Variants in ARID3C observed in about 807,000 individuals in gnomAD.
ARID3C encodes the protein AT-rich interaction domain 3C.
In ARID3C, 42 loss-of-function variants were observed where a neutral mutation model predicts 37.9. The observed-to-expected ratio is 1.11, with a 90% CI of 0.87 to 1.43. The LOEUF is 1.43. Among genes scored for constraint, ARID3C ranks in the 40% most tolerant of loss-of-function variants. The probability of loss-of-function intolerance (pLI) is 0.00; values close to 1 mark genes in which losing one functional copy is unlikely to be tolerated. For synonymous variants in ARID3C, 213 were observed against 228.0 expected (o/e 0.93, Z 0.59); for missense variants, 581 against 548.8 (o/e 1.06, Z -0.59).
chr9:34,623,096 A>G (rs1426849298), intron 4 of ARID3C, among the ~76,000 whole-genome samples: 1 of 148,958 alleles, frequency 6.7e-6, no homozygotes, highest in Non-Finnish European at 1.5e-5. Context: ...CCGTGAGCTG[A>G]GATCGCGCCA....
At position 34,622,030 on chromosome 9, in the gene ARID3C, C is replaced by A. The variant is rs749257764; in HGVS notation, c.1128G>T (p.Val376=). The change falls in exon 6 of 7, where the codon GTG becomes GTT. Residue 376 remains valine, a synonymous_variant. Coordinates refer to ENST00000378909, the Ensembl canonical transcript of ARID3C. ...CTGCAGTACCCATACCAGTGTAGACCACCCCGTTGATCTCTAGGGCCATGT... is the reference window on the plus strand; with the variant it reads ...CTGCAGTACCCATACCAGTGTAGACAACCCCGTTGATCTCTAGGGCCATGT... 37 of 1,614,100 alleles carry A rather than the reference C, an allele frequency of 2.3e-5. No individual in the cohort carries two copies. The South Asian group carries it at 3.8e-4, about 17-fold the overall frequency.
At chr9:34,622,080 C>A in exon 6 of ARID3C, 1 of 1,614,114 alleles carries the variant, frequency 6.2e-7, no homozygotes, top group Non-Finnish European at 8.5e-7. Context: ...CCACTGCCTG[C>A]CAGATTAAGA....
At chr9:34,628,125 C>T (rs73645430), upstream of ARID3C, 3,269 of 1,357,512 alleles carry the variant, frequency 2.4e-3, 16 homozygotes, top group African/African-American at 0.021. This position sits in a 1 kb window ranked among gnomAD's most constrained non-coding sequence, Gnocchi z 5.2. Context: ...GCCCTACTGC[C>T]CCCAGAGCCC....
chr9:34,623,319 C>T, intron 4 of ARID3C, 106 bp downstream of exon 5: 5 of 1,348,364 alleles, frequency 3.7e-6, no homozygotes, highest in Non-Finnish European at 4.9e-6. Flanking sequence ...GCTCCCATAC[C>T]TCAATGCCTC....
upstream of ARID3C, chr9:34,628,239 C>A: frequency 1.9e-6 from 1 of 523,566 alleles, no homozygotes; most frequent in Non-Finnish European, 3.2e-6. This position sits in a 1 kb window ranked among gnomAD's most constrained non-coding sequence, Gnocchi z 5.2. Context: ...CAGGACCAGA[C>A]CCGGGGAATC....
intron 2 of ARID3C, 45 bp from the exon 4 acceptor site, chr9:34,624,092 T>G (rs1197251185): frequency 1.3e-6 from 2 of 1,524,944 alleles, no homozygotes; most frequent in East Asian, 4.8e-5. Flanking sequence ...ACGAAGACCC[T>G]GTCTGCAGCA....
exon 5 of ARID3C, chr9:34,622,432 C>T: frequency 1.2e-6 from 2 of 1,614,126 alleles, no homozygotes; most frequent in Non-Finnish European, 1.7e-6. Flanking sequence ...GCACAGCTCT[C>T]TTCTCTGGGG....
At chr9:34,625,375 C>A (rs1012940515) in intron 2 of ARID3C, among the ~76,000 whole-genome samples, 1 of 152,176 alleles carries the variant, frequency 6.6e-6, no homozygotes, top group African/African-American at 2.4e-5. Context: ...CTGTAGAGCA[C>A]GTGAGGTGTC....
chr9:34,629,945 TAG>T (rs1401974685), upstream of ARID3C, among the ~76,000 whole-genome samples: 2 of 151,924 alleles, frequency 1.3e-5, no homozygotes, highest in African/African-American at 4.8e-5. Context: ...GTCTTTTTAG[TAG>T]AGATGGGGTT....
At chr9:34,621,726 A>T (rs1162890527) in intron 6 of ARID3C, among the ~76,000 whole-genome samples, 168 bp from the exon 8 acceptor site, 1 of 152,102 alleles carries the variant, frequency 6.6e-6, no homozygotes, top group Non-Finnish European at 1.5e-5. Flanking sequence ...AAGAGACTCC[A>T]TTGCTAATGT....
At chr9:34,626,024 T>A (rs1281169306) in intron 1 of ARID3C, among the ~76,000 whole-genome samples, 1 of 152,112 alleles carries the variant, frequency 6.6e-6, no homozygotes, top group Non-Finnish European at 1.5e-5. Context: ...GTACTGGTAG[T>A]GGTACCCTGG....
At chr9:34,622,674 C>T in intron 4 of ARID3C, 145 bp from the exon 6 acceptor site, 1 of 860,368 alleles carries the variant, frequency 1.2e-6, no homozygotes, top group Non-Finnish European at 1.7e-6. Context: ...CATCCAGAGC[C>T]TCAGCCTGGA....
At chr9:34,623,147 C>CAAAAAAAAA (rs1334414839) in intron 4 of ARID3C, among the ~76,000 whole-genome samples, 12 of 72,234 alleles carry the variant, frequency 1.7e-4, no homozygotes, top group South Asian at 4.7e-4. Context: ...CTCCGTCTCA[C>CAAAAAAAAA]AAAAAAAAAA....
At chr9:34,623,560 C>G (rs1420733082) in exon 4 of ARID3C, 1 of 1,603,282 alleles carries the variant, frequency 6.2e-7, no homozygotes, top group Non-Finnish European at 8.5e-7. Flanking sequence ...TCCTGAGCGC[C>G]CCGAGGGGGC....
At chr9:34,625,160 G>A (rs1052229367) in intron 2 of ARID3C, among the ~76,000 whole-genome samples, 6 of 152,128 alleles carry the variant, frequency 3.9e-5, no homozygotes, top group African/African-American at 7.2e-5. Flanking sequence ...GAGATAATGA[G>A]TCAGTGTTCG....
At position 34,623,529 on chromosome 9, in the gene ARID3C, G is replaced by A. The variant is rs780329882; in HGVS notation, c.761C>T (p.Pro254Leu). ...GCTGGACTGGGTCGCCGGAGGGGCG[G>A]GGCCGGGACCCAAGGCTGGGTCCTG... Residue 254 changes from proline (P) to leucine (L), a missense_variant, in exon 4 of 7, where the codon CCC becomes CTC. Pro to Leu is a moderately conservative substitution (Grantham distance 98). Transcript: ENST00000378909. The A allele has an allele frequency of 3.8e-6, 6 of 1,568,044 alleles. No individual in the cohort carries two copies. In the South Asian group the frequency reaches 7.1e-5, roughly 19 times the overall value.
intron 2 of ARID3C, among the ~76,000 whole-genome samples, chr9:34,625,065 TG>T (rs376202216): frequency 2.4e-5 from 2 of 81,734 alleles, no homozygotes; most frequent in Non-Finnish European, 4.9e-5. Context: ...CTAAAGGCGG[TG>T]GGGGGGCGGG....
chr9:34,627,662 G>A (rs1820673619), intron 1 of ARID3C, 35 bp downstream of exon 2: 1 of 1,542,846 alleles, frequency 6.5e-7, no homozygotes, highest in South Asian at 1.2e-5. Flanking sequence ...AGAGAGATAG[G>A]GAAGAGGGCC....
At chr9:34,623,470 G>C (rs544733538) in exon 4 of ARID3C, 9 of 1,536,458 alleles carry the variant, frequency 5.9e-6, no homozygotes, top group Non-Finnish European at 7.9e-6. Flanking sequence ...GCATGCGCTG[G>C]CAGGCCGGAG....
Sources: allele counts gnomAD v4.1 joint callset (sites outside exome capture counted in the v4.1 genomes callset), GRCh38; gene constraint gnomAD v4.1.1; non-coding constraint Gnocchi (gnomAD v3.1); transcripts MANE v1.5; gene names NCBI Gene and HGNC (gene_info 2026-07-23, HGNC 2026-07-21).